NDUFA9: variants seen among roughly 807,000 people sequenced by gnomAD.
The protein encoded by NDUFA9 is NADH dehydrogenase [ubiquinone] 1 alpha subcomplex subunit 9, mitochondrial.
NDUFA9 carries 23 observed loss-of-function variants against 45.9 expected under a neutral mutation model. The ratio of observed to expected loss-of-function variants is 0.50; its 90% confidence interval spans 0.36 to 0.71. NDUFA9 has a LOEUF of 0.71. Ranked by LOEUF, NDUFA9 falls within the 30% of genes least tolerant of loss-of-function variation. The probability of loss-of-function intolerance (pLI) is 0.00; values close to 1 mark genes in which losing one functional copy is unlikely to be tolerated. For missense variants in NDUFA9, 466 were observed against 488.2 expected (o/e 0.95, Z 0.43); for synonymous variants, 176 against 170.5 (o/e 1.03, Z -0.25).
chr12:4,672,835 G>A (rs1157662972), intron 8 of NDUFA9, among the ~76,000 whole-genome samples: 3 of 152,236 alleles, frequency 2.0e-5, no homozygotes, highest in African/African-American at 7.2e-5. Context: ...CTGCCTGGCA[G>A]CTCTGAAGAA....
rs1005122740 is a variant in NDUFA9 at position 4,662,561 on chromosome 12, C to T, written c.581C>T (p.Ala194Val). 18 of 1,613,866 alleles carry T rather than the reference C, an allele frequency of 1.1e-5. No individual in the cohort carries two copies. In the East Asian group the frequency reaches 3.8e-4, roughly 34 times the overall value. The change falls in exon 6 of 11, where the codon GCA becomes GTA. Residue 194 changes from alanine (A) to valine (V), a missense_variant. Physicochemically the swap from Ala to Val is moderately conservative, Grantham distance 64. Transcript: ENST00000266544. Reference sequence around the variant, plus strand: ...GTTGGAGAGAAAGTAGTGAGAGATGCATTTCCGGAAGCCATTATCGTAAAG... The same window carrying T: ...GTTGGAGAGAAAGTAGTGAGAGATGTATTTCCGGAAGCCATTATCGTAAAG... ...KAVGEKVVRDAFPEAIIVKPS... is the reference protein window; with the variant it reads ...KAVGEKVVRDVFPEAIIVKPS...
chr12:4,690,137 G>C lies in NDUFA9; in HGVS notation c.*3029G>C, dbSNP rs1269455859. 6.6e-6 allele frequency: 1 copy of C among 152,242 alleles called. No homozygotes were observed. The highest frequency in any genetic ancestry group is 2.4e-5 in the African/African-American group (1 of 41,442). 9.4% of individuals were successfully genotyped at this position (152,242 alleles called of 1,614,324 possible). ...TCCATTTATAGGGGCTGTCCCCATAGAGACTTCAAGCCACACCTTTCTAGG... is the reference window on the plus strand; with the variant it reads ...TCCATTTATAGGGGCTGTCCCCATACAGACTTCAAGCCACACCTTTCTAGG... On this transcript the variant is annotated 3_prime_UTR_variant, in exon 11 of 11. Transcript: ENST00000266544.
intron 1 of NDUFA9, among the ~76,000 whole-genome samples, chr12:4,649,869 T>C (rs1945746298): frequency 6.6e-6 from 1 of 152,184 alleles, no homozygotes. Flanking sequence ...TCTGATTGGA[T>C]CTGCTCCCAC....
At chr12:4,680,462 G>T (rs181536296) in intron 8 of NDUFA9, among the ~76,000 whole-genome samples, 1 of 152,074 alleles carries the variant, frequency 6.6e-6, no homozygotes, top group Non-Finnish European at 1.5e-5. Context: ...GGGAGGATGC[G>T]GGCTTCAATG....
intron 9 of NDUFA9, among the ~76,000 whole-genome samples, chr12:4,683,219 C>T (rs1378422007): frequency 1.3e-5 from 2 of 151,986 alleles, no homozygotes; most frequent in Non-Finnish European, 2.9e-5. Flanking sequence ...ACCTACTGCC[C>T]TGAGGTAACT....
At chr12:4,650,623 G>A (rs1415251485) in intron 1 of NDUFA9, among the ~76,000 whole-genome samples, 2 of 152,154 alleles carry the variant, frequency 1.3e-5, no homozygotes, top group African/African-American at 4.8e-5. Flanking sequence ...ACAGAACTGT[G>A]TAAGACAACT....
At chr12:4,671,559 G>A (rs1017011301) in intron 8 of NDUFA9, among the ~76,000 whole-genome samples, 8 of 151,830 alleles carry the variant, frequency 5.3e-5, no homozygotes, top group African/African-American at 1.9e-4. Context: ...TAATTCTATC[G>A]AAATTCCAAC....
In NDUFA9 at chr12:4,688,994, A is replaced by G. The variant is rs911856777; in HGVS notation, c.*1886A>G. 8 of 152,358 alleles carry G rather than the reference A, an allele frequency of 5.3e-5. No homozygotes were observed. Among genetic ancestry groups the G allele is most frequent in the Middle Eastern group, 3.4e-3 (1 of 292 alleles). 9.4% of individuals were successfully genotyped at this position (152,358 alleles called of 1,614,324 possible). A position where few individuals can be genotyped will look rare whatever the true frequency, so the allele number is the denominator to read the frequency against. ...TTCTTAAAAAAAAACTTATTGATAC[A>G]TAATAGATGTAAATATTGTCAGGGT... On this transcript the variant is annotated 3_prime_UTR_variant, in exon 11 of 11. Coordinates refer to ENST00000266544, the MANE Select transcript of NDUFA9 (RefSeq NM_005002.5).
intron 6 of NDUFA9, among the ~76,000 whole-genome samples, chr12:4,668,209 CT>C (rs1176004002): frequency 6.6e-6 from 1 of 152,226 alleles, no homozygotes; most frequent in African/African-American, 2.4e-5. Context: ...GCAGAGCAGA[CT>C]AGTTGTCTAG....
chr12:4,654,755 C>T (rs1945779591), intron 2 of NDUFA9, 70 bp from the exon 3 acceptor site: 1 of 1,215,686 alleles, frequency 8.2e-7, no homozygotes, highest in East Asian at 2.4e-5. Context: ...AAATATTTAC[C>T]AAGTCACAAT....
At chr12:4,659,958 A>G (rs1420782280) in intron 5 of NDUFA9, among the ~76,000 whole-genome samples, 1 of 152,208 alleles carries the variant, frequency 6.6e-6, no homozygotes, top group Non-Finnish European at 1.5e-5. Flanking sequence ...GTAAATAGAG[A>G]GAAAATAAGA....
At chr12:4,677,561 T>C (rs1465352339) in intron 8 of NDUFA9, among the ~76,000 whole-genome samples, 1 of 152,212 alleles carries the variant, frequency 6.6e-6, no homozygotes, top group Admixed American at 6.5e-5. Context: ...TCGTCACTGG[T>C]CATTAGAGAA....
rs1212478956 is a variant in NDUFA9, at chr12:4,688,338, A to T, written c.*1230A>T. Reference sequence around the variant, plus strand: ...CTCTACAGAAAAATTTCAAAAAGTTAGTAGGGCATGGTGGCACGCACCTGT... The same window carrying T: ...CTCTACAGAAAAATTTCAAAAAGTTTGTAGGGCATGGTGGCACGCACCTGT... On this transcript the variant is annotated 3_prime_UTR_variant, in exon 11 of 11. Transcript: ENST00000266544. 6.6e-6 allele frequency: 1 copy of T among 152,244 alleles called. No individual in the cohort carries two copies. The highest frequency in any genetic ancestry group is 1.5e-5 in the Non-Finnish European group (1 of 68,102). The allele number at this position is 152,244 out of a possible 1,614,324, so 9.4% of individuals were successfully genotyped here. A position where few individuals can be genotyped will look rare whatever the true frequency, so the allele number is the denominator to read the frequency against.
intron 10 of NDUFA9, 34 bp downstream of exon 10, chr12:4,685,359 A>C (rs2137488855): frequency 6.3e-7 from 1 of 1,584,440 alleles, no homozygotes; most frequent in Non-Finnish European, 8.7e-7. Flanking sequence ...CTGCCTGGGC[A>C]GATGATGAGG....
intron 5 of NDUFA9, among the ~76,000 whole-genome samples, chr12:4,659,715 T>C (rs539087456): frequency 8.4e-4 from 128 of 152,328 alleles, no homozygotes; most frequent in Non-Finnish European, 1.1e-3. Flanking sequence ...GTCTGTAGCC[T>C]AAGTGAAACG....
chr12:4,685,709 T>C (rs1189608033), intron 10 of NDUFA9, among the ~76,000 whole-genome samples: 2 of 151,882 alleles, frequency 1.3e-5, no homozygotes, highest in South Asian at 2.1e-4. Flanking sequence ...TTCTTCCTTC[T>C]TTCTTTAACC....
chr12:4,685,583 C>G (rs1457902857), intron 10 of NDUFA9, among the ~76,000 whole-genome samples: 2 of 152,050 alleles, frequency 1.3e-5, no homozygotes, highest in Non-Finnish European at 2.9e-5. Context: ...CCTAATAGCT[C>G]CCCTGCCAAA....
At chr12:4,678,944 A>G (rs1053218724) in intron 8 of NDUFA9, among the ~76,000 whole-genome samples, 2 of 152,202 alleles carry the variant, frequency 1.3e-5, no homozygotes, top group African/African-American at 4.8e-5. Flanking sequence ...AGAAATGAAA[A>G]TGTGTCTACA....
intron 7 of NDUFA9, chr12:4,668,750 C>G (rs1945868131): frequency 1.9e-6 from 1 of 516,782 alleles, no homozygotes; most frequent in South Asian, 2.4e-5. Context: ...ACACATCATA[C>G]ATGTCACATG....
Sources: gnomAD v4.1 joint callset for allele counts (sites outside exome capture counted in the v4.1 genomes callset) on GRCh38, gnomAD v4.1.1 for gene constraint, MANE v1.5 for transcripts, NCBI Gene and HGNC (gene_info 2026-07-23, HGNC 2026-07-21) for gene names.